THSD7A: variants seen among roughly 807,000 people sequenced by gnomAD.
The protein encoded by THSD7A is thrombospondin type 1 domain containing 7A.
In THSD7A, 96 loss-of-function variants were observed where a neutral mutation model predicts 231.3. The ratio of observed to expected loss-of-function variants is 0.41; its 90% confidence interval spans 0.35 to 0.49. The LOEUF (loss-of-function observed/expected upper bound fraction) is 0.49. Ranked by LOEUF, THSD7A falls within the 20% of genes least tolerant of loss-of-function variation. The pLI is 0.05. For missense variants in THSD7A, 2,290 were observed against 2,070.2 expected, an observed-to-expected ratio of 1.11 and a Z score of -2.06; for synonymous variants, 940 against 743.3, an observed-to-expected ratio of 1.26 and a Z score of -4.30.
chr7:11,679,744 C>G (rs1783791750), intron 1 of THSD7A, among the ~76,000 whole-genome samples: 1 of 152,034 alleles, frequency 6.6e-6, no homozygotes. Flanking sequence ...TAGGAAGAAT[C>G]AATATTGTGA....
chr7:11,723,039 G>A (rs1002451061), intron 1 of THSD7A, among the ~76,000 whole-genome samples: 24 of 151,926 alleles, frequency 1.6e-4, no homozygotes, highest in African/African-American at 5.8e-4. Context: ...TATGTTTATT[G>A]CGGCACTATT....
At chr7:11,524,820 G>T (rs1788407677) in intron 6 of THSD7A, among the ~76,000 whole-genome samples, 1 of 152,132 alleles carries the variant, frequency 6.6e-6, no homozygotes, top group South Asian at 2.1e-4. Flanking sequence ...AGGATATATG[G>T]TTAATGTATA....
chr7:11,761,491 T>C (rs1241665148), intron 1 of THSD7A, among the ~76,000 whole-genome samples: 1 of 152,158 alleles, frequency 6.6e-6, no homozygotes, highest in African/African-American at 2.4e-5. Flanking sequence ...TATGTATATG[T>C]GTATATTATA....
At chr7:11,606,199 G>A (rs946747743) in intron 2 of THSD7A, among the ~76,000 whole-genome samples, 4 of 152,144 alleles carry the variant, frequency 2.6e-5, no homozygotes, top group African/African-American at 9.7e-5. Flanking sequence ...GACTCAACTC[G>A]ATGAACAGGG....
chr7:11,821,836 A>G (rs1784884475), intron 1 of THSD7A, among the ~76,000 whole-genome samples: 1 of 152,158 alleles, frequency 6.6e-6, no homozygotes, highest in South Asian at 2.1e-4. Context: ...CATAACTTTG[A>G]TATAATAATA....
chr7:11,590,344 A>G lies in THSD7A; in HGVS notation c.1453+116T>C, dbSNP rs1001429098. 5 of 1,033,524 alleles carry G rather than the reference A, an allele frequency of 4.8e-6. No homozygotes were observed. The highest frequency in any genetic ancestry group is 2.0e-5 in the South Asian group (1 of 49,640). The allele number at this position is 1,033,524 out of a possible 1,614,324, so 64.0% of individuals were successfully genotyped here. A position where few individuals can be genotyped will look rare whatever the true frequency, so the allele number is the denominator to read the frequency against. ...TTTACCATAGTGAATACCAACCACA[A>G]TGTGAACAGAAATGCAGCCCTCATA... On this transcript the variant is annotated intron_variant, in intron 4 of 27. Transcript: ENST00000423059. The surrounding 1 kb of genome is among the most constrained non-coding windows in gnomAD (Gnocchi z 4.4).
chr7:11,541,046 A>C (rs1387808256), intron 6 of THSD7A, among the ~76,000 whole-genome samples: 1 of 152,184 alleles, frequency 6.6e-6, no homozygotes, highest in Non-Finnish European at 1.5e-5. Context: ...TTTTGTTTAC[A>C]TTTCATTTTC....
At chr7:11,382,765 A>G (rs954003596) in intron 23 of THSD7A, 149 bp from the exon 24 acceptor site, 17 of 688,392 alleles carry the variant, frequency 2.5e-5, no homozygotes, top group Admixed American at 9.4e-5. Flanking sequence ...GTTGCCATGC[A>G]TATGTTTAAA....
intron 6 of THSD7A, among the ~76,000 whole-genome samples, chr7:11,533,216 G>A (rs1386579539): frequency 6.6e-6 from 1 of 152,148 alleles, no homozygotes; most frequent in Non-Finnish European, 1.5e-5. Flanking sequence ...TGAAAAAAAT[G>A]TCCTCTGGCC....
At chr7:11,728,834 G>A (rs187098025) in intron 1 of THSD7A, among the ~76,000 whole-genome samples, 2 of 151,840 alleles carry the variant, frequency 1.3e-5, no homozygotes, top group East Asian at 3.9e-4. Flanking sequence ...GAGCAAGACA[G>A]TTTAAAACTA....
At chr7:11,464,647 T>A (rs1178787639) in intron 9 of THSD7A, among the ~76,000 whole-genome samples, 1 of 152,154 alleles carries the variant, frequency 6.6e-6, no homozygotes, top group Admixed American at 6.6e-5. Flanking sequence ...TCTCTTCACG[T>A]CCTTAATGGA....
intron 13 of THSD7A, among the ~76,000 whole-genome samples, chr7:11,439,385 T>A (rs1305647143): frequency 6.6e-6 from 1 of 152,044 alleles, no homozygotes; most frequent in Non-Finnish European, 1.5e-5. Flanking sequence ...CAACAGCATG[T>A]GTTCACTTTG....
chr7:11,488,869 T>C (rs768747289), intron 6 of THSD7A, among the ~76,000 whole-genome samples: 2 of 152,144 alleles, frequency 1.3e-5, no homozygotes, highest in Non-Finnish European at 2.9e-5. Context: ...TTTTCACTCC[T>C]CTGCCATTTT....
intron 1 of THSD7A, among the ~76,000 whole-genome samples, chr7:11,679,282 C>T (rs912653231): frequency 1.3e-5 from 2 of 152,138 alleles, no homozygotes; most frequent in African/African-American, 4.8e-5. Context: ...CCTTTGAAAA[C>T]CAGCACAAGA....
intron 1 of THSD7A, among the ~76,000 whole-genome samples, chr7:11,722,291 G>A (rs1469305788): frequency 6.6e-6 from 1 of 151,888 alleles, no homozygotes; most frequent in Non-Finnish European, 1.5e-5. Context: ...TAGGATTATG[G>A]GAAGGGGGTG....
chr7:11,622,729 A>T (rs946313554), intron 2 of THSD7A, among the ~76,000 whole-genome samples: 1 of 152,162 alleles, frequency 6.6e-6, no homozygotes, highest in Non-Finnish European at 1.5e-5. Flanking sequence ...AATATCTAAA[A>T]TTGTCCCACT....
At chr7:11,585,376 G>C (rs1187195793) in intron 4 of THSD7A, among the ~76,000 whole-genome samples, 2 of 152,102 alleles carry the variant, frequency 1.3e-5, no homozygotes, top group African/African-American at 4.8e-5. Flanking sequence ...TGATTCCTTT[G>C]GGGATTCCTA....
At chr7:11,753,511 A>G (rs752365805) in intron 1 of THSD7A, among the ~76,000 whole-genome samples, 4 of 151,094 alleles carry the variant, frequency 2.6e-5, no homozygotes, top group Admixed American at 1.3e-4. Flanking sequence ...TCTTCCCACT[A>G]TGGGTCCCAA....
At chr7:11,405,499 T>A (rs1783552954) in intron 22 of THSD7A, among the ~76,000 whole-genome samples, 1 of 152,206 alleles carries the variant, frequency 6.6e-6, no homozygotes, top group Non-Finnish European at 1.5e-5. Flanking sequence ...TCTGTTCATT[T>A]CCAGTCCACT....
Sources: allele counts gnomAD v4.1 joint callset (sites outside exome capture counted in the v4.1 genomes callset), GRCh38; gene constraint gnomAD v4.1.1; non-coding constraint Gnocchi (gnomAD v3.1); transcripts MANE v1.5; gene names NCBI Gene and HGNC (gene_info 2026-07-23, HGNC 2026-07-21).